The following CSDE1 variants were observed in gnomAD, a reference collection of about 807,000 sequenced individuals.
The protein encoded by CSDE1 is cold shock domain-containing protein E1.
A neutral mutation model predicts 89.3 loss-of-function variants in CSDE1; 17 were observed. That is an observed-to-expected ratio of 0.19 (90% CI 0.13 to 0.29). The LOEUF is 0.29. Ranked by LOEUF, CSDE1 falls within the 10% of genes least tolerant of loss-of-function variation. The pLI, the probability that CSDE1 is intolerant of heterozygous loss-of-function variation, is 1.00. For missense variants in CSDE1, 672 were observed against 984.2 expected, an observed-to-expected ratio of 0.68 and a Z score of 4.24; for synonymous variants, 322 against 332.8, an observed-to-expected ratio of 0.97 and a Z score of 0.35.
chr1:114,718,227 G>GA lies in CSDE1; in HGVS notation c.2350-12dup. The stretch of plus-strand genomic sequence containing the variant: ...TTCTGCACCAAACCCCTGTGGGGGG[G>GA]AGAAAAAAAAAACCCTGCAGTTAAT... On this transcript the variant is annotated splice_polypyrimidine_tract_variant and intron_variant, in intron 19 of 19. Transcript: ENST00000358528. The GA allele has an allele frequency of 6.2e-7, 1 of 1,605,298 alleles. No homozygotes were observed. The highest frequency in any genetic ancestry group is 2.2e-5 in the East Asian group (1 of 44,830).
At chr1:114,755,133 GTTA>G (rs957646332) in intron 1 of CSDE1, among the ~76,000 whole-genome samples, 5 of 152,176 alleles carry the variant, frequency 3.3e-5, no homozygotes, top group African/African-American at 1.2e-4. Flanking sequence ...GAAATCCAAT[GTTA>G]TTATACAATC....
intron 16 of CSDE1, among the ~76,000 whole-genome samples, chr1:114,722,562 C>G (rs1428830931): frequency 6.6e-6 from 1 of 152,178 alleles, no homozygotes; most frequent in South Asian, 2.1e-4. Context: ...TTAGAGATGC[C>G]TAAACAAAAC....
At chr1:114,730,004 G>T (rs1217482454) in intron 12 of CSDE1, among the ~76,000 whole-genome samples, 3 of 152,172 alleles carry the variant, frequency 2.0e-5, no homozygotes, top group African/African-American at 7.2e-5. Flanking sequence ...AAAGGGGTCA[G>T]AATACTAACT....
intron 3 of CSDE1, among the ~76,000 whole-genome samples, chr1:114,739,239 G>T (rs1660586174): frequency 6.6e-6 from 1 of 151,890 alleles, no homozygotes; most frequent in Non-Finnish European, 1.5e-5. Context: ...CACCGTGTTA[G>T]CCAGGATGGT....
chr1:114,742,251 G>T (rs1660768615), intron 2 of CSDE1, among the ~76,000 whole-genome samples: 1 of 152,124 alleles, frequency 6.6e-6, no homozygotes, highest in African/African-American at 2.4e-5. Context: ...CCGATAAGGA[G>T]ATATATAAAT....
chr1:114,735,882 TAGACCTTAGACTTA>T (rs1177298749), intron 6 of CSDE1, among the ~76,000 whole-genome samples: 1 of 152,146 alleles, frequency 6.6e-6, no homozygotes, highest in African/African-American at 2.4e-5. Context: ...AGGCAGGAAA[TAGACCTTAGACTTA>T]ATAGGTCTAA....
chr1:114,726,167 T>C (rs1332032196), intron 14 of CSDE1, 44 bp downstream of exon 14: 4 of 1,537,062 alleles, frequency 2.6e-6, no homozygotes, highest in Middle Eastern at 1.8e-4. Context: ...CACCAAAGAA[T>C]GGATGGTAAG....
chr1:114,751,722 G>A (rs1661320018), intron 1 of CSDE1, among the ~76,000 whole-genome samples: 1 of 150,966 alleles, frequency 6.6e-6, no homozygotes, highest in Admixed American at 6.6e-5. Context: ...ACAAACCTAT[G>A]CCCAGCCTCC....
intron 4 of CSDE1, 51 bp from the exon 5 acceptor site, chr1:114,737,614 C>CA: frequency 1.4e-6 from 2 of 1,384,622 alleles, no homozygotes; most frequent in Non-Finnish European, 2.1e-6. Context: ...TCAGGAGCAG[C>CA]ACTGTGCAAT....
At chr1:114,739,928 C>G (rs765555204) in intron 2 of CSDE1, 38 bp from the exon 3 acceptor site, 4 of 1,507,642 alleles carry the variant, frequency 2.7e-6, no homozygotes, top group Non-Finnish European at 3.7e-6. Context: ...CATATCTGTA[C>G]ATTATCTCCA....
chr1:114,757,498 T>G (rs1661674057), intron 1 of CSDE1, among the ~76,000 whole-genome samples: 1 of 151,042 alleles, frequency 6.6e-6, no homozygotes, highest in Non-Finnish European at 1.5e-5. Context: ...CACCACCCCC[T>G]CGCCCCGCCC....
Position 114,739,903 on chromosome 1 carries a change from G to C in CSDE1, c.1-13C>G. 1.3e-6 allele frequency: 2 copies of C among 1,598,126 alleles called. No individual in the cohort carries two copies. The highest frequency in any genetic ancestry group is 1.7e-6 in the Non-Finnish European group (2 of 1,165,866). On this transcript the variant is annotated splice_polypyrimidine_tract_variant and intron_variant, in intron 2 of 19. Coordinates refer to ENST00000358528, the MANE Select transcript of CSDE1 (RefSeq NM_001007553.3). The stretch of plus-strand genomic sequence containing the variant: ...GATCAAAGCTCATCTGTTTTAAAAA[G>C]AAAAAGAATATATACATATCTGTAC...
At chr1:114,726,838 T>C in intron 13 of CSDE1, 145 bp downstream of exon 13, 1 of 579,406 alleles carries the variant, frequency 1.7e-6, no homozygotes, top group Non-Finnish European at 3.0e-6. Flanking sequence ...ATAAGCTGCT[T>C]TCAAATACAA....
At chr1:114,747,219 A>G (rs1478632172) in intron 2 of CSDE1, among the ~76,000 whole-genome samples, 4 of 152,118 alleles carry the variant, frequency 2.6e-5, no homozygotes, top group African/African-American at 9.7e-5. Flanking sequence ...CCTTCTATAT[A>G]TATTTGTTCC....
At chr1:114,718,793 C>G (rs1027136821) in intron 18 of CSDE1, 48 bp from the exon 19 acceptor site, 10 of 1,600,464 alleles carry the variant, frequency 6.2e-6, no homozygotes, top group African/African-American at 1.3e-5. Context: ...GGTGGGCAGA[C>G]AGCAAGCACT....
rs1065634 is a variant in CSDE1 at position 114,717,147 on chromosome 1, T to C, written c.*1022A>G. On this transcript the variant is annotated 3_prime_UTR_variant, in exon 20 of 20. Coordinates refer to ENST00000358528, the MANE Select transcript of CSDE1 (RefSeq NM_001007553.3). ...GTCCACTGGCCAGGGACCCTGTATA[T>C]GGCCAATTCAAGAAGAGGGCCAAGA... The C allele has an allele frequency of 0.05, 7,673 of 152,628 alleles. 227 individuals carry two copies. The highest frequency in any genetic ancestry group is 0.075 in the Middle Eastern group (22 of 294). The allele number at this position is 152,628 out of a possible 1,614,324, so 9.5% of individuals were successfully genotyped here. A position where few individuals can be genotyped will look rare whatever the true frequency, so the allele number is the denominator to read the frequency against.
chr1:114,741,524 T>G (rs1660726471), intron 2 of CSDE1: 4 of 1,545,716 alleles, frequency 2.6e-6, no homozygotes, highest in Non-Finnish European at 3.5e-6. Context: ...TTTCCTGACT[T>G]ACAGATCTCT....
chr1:114,754,775 G>A (rs1258371935), intron 1 of CSDE1, among the ~76,000 whole-genome samples: 4 of 152,164 alleles, frequency 2.6e-5, no homozygotes, highest in Non-Finnish European at 4.4e-5. Context: ...CTATCTTTTT[G>A]TATCTGTGTA....
chr1:114,750,880 A>G (rs750473911), intron 1 of CSDE1, among the ~76,000 whole-genome samples: 1 of 152,258 alleles, frequency 6.6e-6, no homozygotes, highest in Non-Finnish European at 1.5e-5. Context: ...GCGACCATGC[A>G]TTCTATGATT....
Sources: gnomAD v4.1 joint callset for allele counts (sites outside exome capture counted in the v4.1 genomes callset) on GRCh38, gnomAD v4.1.1 for gene constraint, MANE v1.5 for transcripts, NCBI Gene and HGNC (gene_info 2026-07-23, HGNC 2026-07-21) for gene names.